Variants in SYNJ2BP observed in about 807,000 individuals in gnomAD.
SYNJ2BP encodes the protein synaptojanin-2-binding protein.
A neutral mutation model predicts 16.9 loss-of-function variants in SYNJ2BP; 10 were observed. The ratio of observed to expected loss-of-function variants is 0.59; its 90% CI spans 0.36 to 1.00. The LOEUF (loss-of-function observed/expected upper bound fraction) is 1.00, where lower values mean the gene tolerates loss of function less well. Among genes scored for constraint, SYNJ2BP ranks in the 50% least tolerant of loss-of-function variants. The pLI is 0.01. For missense variants in SYNJ2BP, 162 were observed against 186.7 expected (o/e 0.87, Z 0.77); for synonymous variants, 54 against 68.4 (o/e 0.79, Z 1.04).
chr14:70,390,187 AAAAAAAT>A (rs921201309), intron 1 of SYNJ2BP, among the ~76,000 whole-genome samples: 2 of 42,604 alleles, frequency 4.7e-5, no homozygotes, highest in Non-Finnish European at 1.8e-4. Context: ...ACCTATGCAT[AAAAAAAT>A]AAAAAGGAAA....
rs1013441636 is a variant in SYNJ2BP at position 70,417,055 on chromosome 14, C to A, written c.-92G>T. 4.4e-5 allele frequency: 70 copies of A among 1,595,142 alleles called. No individual in the cohort carries two copies. The highest frequency in any genetic ancestry group is 5.6e-5 in the Non-Finnish European group (66 of 1,168,902). ...TCTCGGCGCTGCGCCCACAGCACAG[C>A]GGTTTCGGTTTCAGCAGCCTCGAGA... On this transcript the variant is annotated 5_prime_UTR_variant, in exon 1 of 4. Transcript: ENST00000256366.
intron 1 of SYNJ2BP, among the ~76,000 whole-genome samples, chr14:70,414,551 C>G (rs7144371): frequency 0.98 from 149,245 of 152,310 alleles, 73,187 homozygotes; most frequent in East Asian, 1. Context: ...AAGATTTCAT[C>G]TTTAGAACAA....
intron 2 of SYNJ2BP, among the ~76,000 whole-genome samples, chr14:70,376,393 A>T (rs1002721796): frequency 1.7e-4 from 26 of 152,346 alleles, no homozygotes; most frequent in African/African-American, 5.5e-4. Context: ...CCTTAAAAAA[A>T]TTTCAGTGTA....
At position 70,416,974 on chromosome 14, in the gene SYNJ2BP, T is replaced by G. The variant is rs1242249523; in HGVS notation, c.-11A>C. On this transcript the variant is annotated 5_prime_UTR_variant, in exon 1 of 4. Transcript: ENST00000256366. ...CACTCTTCCGTTCATGTTTTACAGC[T>G]CGTCTGGCTTCCTACTTGGGTCAGC... The G allele has an allele frequency of 5.6e-6, 9 of 1,614,084 alleles. No homozygotes were observed. Among genetic ancestry groups the G allele is most frequent in the Non-Finnish European group, 7.6e-6 (9 of 1,180,038 alleles).
chr14:70,373,604 G>A (rs1023980408), intron 3 of SYNJ2BP, among the ~76,000 whole-genome samples: 6 of 152,250 alleles, frequency 3.9e-5, no homozygotes, highest in South Asian at 2.1e-4. Flanking sequence ...ACCAACATAC[G>A]TCCAATGCCA....
At chr14:70,382,597 T>C (rs1315034708) in intron 2 of SYNJ2BP, among the ~76,000 whole-genome samples, 1 of 152,156 alleles carries the variant, frequency 6.6e-6, no homozygotes, top group Non-Finnish European at 1.5e-5. Context: ...GAACCTCACT[T>C]TTAGTACCAG....
chr14:70,401,489 T>C (rs920064219), intron 1 of SYNJ2BP, among the ~76,000 whole-genome samples: 10 of 151,030 alleles, frequency 6.6e-5, no homozygotes, highest in African/African-American at 2.4e-4. Flanking sequence ...GGAAAGGACT[T>C]TCTGCTTTTT....
At position 70,403,594 on chromosome 14, in the gene SYNJ2BP, G is replaced by GT. The variant is rs1170249839; in HGVS notation, c.64+13305dup. Among the ~76,000 whole-genome samples, 8 of 152,312 alleles carry GT rather than the reference G, an allele frequency of 5.3e-5. No homozygotes were observed. In the East Asian group the frequency reaches 1.3e-3, roughly 26 times the overall value. ...CTACACTCCCACCAGCGCCAAGACA[G>GT]TTTACAAATGCCATGGCAATGTCAG... On this transcript the variant is annotated intron_variant, in intron 1 of 3. Coordinates refer to ENST00000256366, the MANE Select transcript of SYNJ2BP (RefSeq NM_018373.3).
At position 70,373,080 on chromosome 14, in the gene SYNJ2BP, C is replaced by A. The variant is rs1182048059; in HGVS notation, c.349G>T (p.Gly117Cys). 2 of 1,614,108 alleles carry A rather than the reference C, an allele frequency of 1.2e-6. No individual in the cohort carries two copies. The highest frequency in any genetic ancestry group is 1.7e-6 in the Non-Finnish European group (2 of 1,180,000). ...ACCAGCACCATAAATATGGGAATAC[C>A]ACTTGGGTCCCCTTCACCTCGATGT... is the stretch of plus-strand genomic sequence containing the variant. ...IGHRGEGDPS[G>C]IPIFMVLVPV... The change falls in exon 4 of 4, where the codon GGT becomes TGT. Residue 117 changes from glycine to cysteine, a missense_variant. By Grantham distance (159) the Gly-to-Cys change is radical. Coordinates refer to ENST00000256366, the MANE Select transcript of SYNJ2BP (RefSeq NM_018373.3).
intron 1 of SYNJ2BP, among the ~76,000 whole-genome samples, chr14:70,403,661 T>C (rs750807828): frequency 3.3e-5 from 5 of 152,164 alleles, no homozygotes; most frequent in Admixed American, 6.5e-5. Flanking sequence ...GCATAAATAA[T>C]CCACCCCTTG....
At chr14:70,402,267 A>C (rs1888256394) in intron 1 of SYNJ2BP, among the ~76,000 whole-genome samples, 1 of 152,222 alleles carries the variant, frequency 6.6e-6, no homozygotes, top group African/African-American at 2.4e-5. Context: ...CAAGAGCTAC[A>C]GTATTGGAGG....
intron 1 of SYNJ2BP, among the ~76,000 whole-genome samples, chr14:70,390,754 G>A (rs1364939704): frequency 6.6e-6 from 1 of 152,058 alleles, no homozygotes; most frequent in Non-Finnish European, 1.5e-5. Context: ...GAAGCTCACA[G>A]TATTAACATA....
intron 1 of SYNJ2BP, among the ~76,000 whole-genome samples, chr14:70,406,461 C>T (rs1336549861): frequency 6.6e-6 from 1 of 152,168 alleles, no homozygotes; most frequent in Non-Finnish European, 1.5e-5. Context: ...AAATAAACCC[C>T]CTTCTTGCTT....
chr14:70,387,787 C>T (rs924206432), intron 2 of SYNJ2BP, among the ~76,000 whole-genome samples: 9 of 149,992 alleles, frequency 6.0e-5, no homozygotes, highest in East Asian at 3.9e-4. Flanking sequence ...GCCAAGATTA[C>T]GACCCTGCAC....
intron 1 of SYNJ2BP, among the ~76,000 whole-genome samples, chr14:70,405,458 A>G (rs1888326402): frequency 1.3e-5 from 2 of 152,214 alleles, no homozygotes; most frequent in East Asian, 1.9e-4. Flanking sequence ...TTTGTGGAAC[A>G]TGAATCTTAT....
chr14:70,410,019 G>T (rs769004209), intron 1 of SYNJ2BP, among the ~76,000 whole-genome samples: 1 of 152,022 alleles, frequency 6.6e-6, no homozygotes, highest in Non-Finnish European at 1.5e-5. Flanking sequence ...TCAGGAAGCT[G>T]AGGCAGGAGG....
At chr14:70,392,673 AT>A (rs1298737514) in intron 1 of SYNJ2BP, among the ~76,000 whole-genome samples, 1 of 152,208 alleles carries the variant, frequency 6.6e-6, no homozygotes, top group African/African-American at 2.4e-5. Context: ...AGATTTTAAA[AT>A]TCCACCCATC....
chr14:70,383,565 C>CTG (rs1488554846), intron 2 of SYNJ2BP, among the ~76,000 whole-genome samples: 5 of 152,172 alleles, frequency 3.3e-5, no homozygotes, highest in Non-Finnish European at 7.3e-5. Flanking sequence ...GAACATTCAA[C>CTG]TGTGTAGTAT....
chr14:70,374,045 T>A (rs1428026230), intron 3 of SYNJ2BP, among the ~76,000 whole-genome samples: 1 of 152,268 alleles, frequency 6.6e-6, no homozygotes, highest in Non-Finnish European at 1.5e-5. Flanking sequence ...AAGGACATGC[T>A]CAATAAGAAG....
Sources: allele counts gnomAD v4.1 joint callset (sites outside exome capture counted in the v4.1 genomes callset), GRCh38; gene constraint gnomAD v4.1.1; transcripts MANE v1.5; gene names NCBI Gene and HGNC (gene_info 2026-07-23, HGNC 2026-07-21).